Variants in RHEB observed in about 807,000 individuals in gnomAD.
RHEB encodes Ras homolog, mTORC1 binding, also known as GTP-binding protein Rheb.
In RHEB, 2 loss-of-function variants were observed where a neutral mutation model predicts 28.8. The ratio of observed to expected loss-of-function variants is 0.07; its 90% confidence interval spans 0.03 to 0.22. The LOEUF (loss-of-function observed/expected upper bound fraction) is 0.22. Ranked by LOEUF, RHEB falls within the 10% of genes least tolerant of loss-of-function variation. The pLI is 1.00. For synonymous variants in RHEB, 69 were observed against 77.3 expected, an observed-to-expected ratio of 0.89 and a Z score of 0.56; for missense variants, 76 against 219.9, an observed-to-expected ratio of 0.35 and a Z score of 4.14.
chr7:151,519,262 A>C, intron 1 of RHEB, 198 bp downstream of exon 1: 4 of 245,840 alleles, frequency 1.6e-5, no homozygotes, highest in Non-Finnish European at 2.9e-5. Flanking sequence ...GCGCCCAGCT[A>C]CCGCGGCTCC....
At chr7:151,476,429 T>C (rs948004318) in intron 4 of RHEB, among the ~76,000 whole-genome samples, 6 of 152,254 alleles carry the variant, frequency 3.9e-5, no homozygotes, top group African/African-American at 1.2e-4. Flanking sequence ...GTAAGTTCTA[T>C]TGGACAGTGT....
intron 1 of RHEB, among the ~76,000 whole-genome samples, chr7:151,514,874 C>T (rs1382351577): frequency 2.6e-5 from 4 of 151,386 alleles, no homozygotes. Context: ...CCCACCTCTA[C>T]AAAAAAATAA....
At position 151,513,841 on chromosome 7, in the gene RHEB, T is replaced by A. The variant is rs76548110; in HGVS notation, c.52+5619A>T. 8.9e-4 allele frequency among the ~76,000 whole-genome samples: 135 copies of A among 152,346 alleles called. 2 individuals carry two copies. In the East Asian group the frequency reaches 0.021, roughly 24 times the overall value. On this transcript the variant is annotated intron_variant, in intron 1 of 7. Transcript: ENST00000262187. ...AGCTGTTAAGACATTAAAAGATACC[T>A]GCAAAACCGTGAAACACCTTATCAA...
chr7:151,508,824 CTTGT>C, intron 1 of RHEB, among the ~76,000 whole-genome samples: 1 of 151,846 alleles, frequency 6.6e-6, no homozygotes, highest in Non-Finnish European at 1.5e-5. Flanking sequence ...GCTCTGTACC[CTTGT>C]TTAAGGGAAT....
In RHEB at chr7:151,466,298, C is replaced by T. The variant is rs1185587922; in HGVS notation, c.*821G>A. 6.6e-6 allele frequency: 1 copy of T among 152,250 alleles called. No individual in the cohort carries two copies. The highest frequency in any genetic ancestry group is 1.5e-5 in the Non-Finnish European group (1 of 68,070). The allele number at this position is 152,250 out of a possible 1,614,324, so 9.4% of individuals were successfully genotyped here. A position where few individuals can be genotyped will look rare whatever the true frequency, so the allele number is the denominator to read the frequency against. On this transcript the variant is annotated 3_prime_UTR_variant, in exon 8 of 8. Transcript: ENST00000262187. ...CAGGGTGTTCTAGGACAGTGACAGG[C>T]AAGGCTGTTCTCAATCATCTCCTGT... is the stretch of plus-strand genomic sequence containing the variant.
intron 1 of RHEB, among the ~76,000 whole-genome samples, chr7:151,518,611 C>T (rs1463705363): frequency 6.6e-6 from 1 of 152,172 alleles, no homozygotes; most frequent in Non-Finnish European, 1.5e-5. Flanking sequence ...AACACCCCGT[C>T]CGCCCCCCAA....
At chr7:151,487,622 T>G (rs933229144) in intron 2 of RHEB, among the ~76,000 whole-genome samples, 5 of 152,212 alleles carry the variant, frequency 3.3e-5, no homozygotes, top group African/African-American at 1.2e-4. Context: ...CCTTCCATCT[T>G]GCTGTCATAG....
chr7:151,473,565 C>T (rs1201685236), intron 4 of RHEB, among the ~76,000 whole-genome samples: 5 of 152,202 alleles, frequency 3.3e-5, no homozygotes, highest in Admixed American at 6.5e-5. Flanking sequence ...CTGGTTGATT[C>T]GGAAAGTTTT....
At position 151,509,270 on chromosome 7, in the gene RHEB, C is replaced by A. The variant is rs57210221; in HGVS notation, c.52+10190G>T. 5.3e-3 allele frequency among the ~76,000 whole-genome samples: 810 copies of A among 152,314 alleles called. 8 individuals carry two copies. The highest frequency in any genetic ancestry group is 0.018 in the African/African-American group (766 of 41,552). On this transcript the variant is annotated intron_variant, in intron 1 of 7. Transcript: ENST00000262187. Reference sequence around the variant, plus strand: ...ACCCAGGGCCAGCAAACCCTCAGAACCCTACTTGTAGGCACAGCCACCTGT... The same window carrying A: ...ACCCAGGGCCAGCAAACCCTCAGAAACCTACTTGTAGGCACAGCCACCTGT...
chr7:151,498,980 C>T (rs960001449), intron 1 of RHEB, among the ~76,000 whole-genome samples: 11 of 152,144 alleles, frequency 7.2e-5, no homozygotes, highest in Non-Finnish European at 1.3e-4. Context: ...CTATTAAGTG[C>T]GAGGCACAAT....
In RHEB at chr7:151,519,770, G is replaced by T. The variant is rs988496896; in HGVS notation, c.-259C>A. On this transcript the variant is annotated 5_prime_UTR_variant, in exon 1 of 8. Coordinates refer to ENST00000262187, the MANE Select transcript of RHEB (RefSeq NM_005614.4). ...GCCCCTCTTCGCGCCGTGGCCCGCCGCCTCCGCCCCCCGAAATACGCGGGG... is the reference window on the plus strand; with the variant it reads ...GCCCCTCTTCGCGCCGTGGCCCGCCTCCTCCGCCCCCCGAAATACGCGGGG... 4 of 328,418 alleles carry T rather than the reference G, an allele frequency of 1.2e-5. No individual in the cohort carries two copies. The highest frequency in any genetic ancestry group is 4.7e-5 in the East Asian group (1 of 21,256). 20.3% of individuals were successfully genotyped at this position (328,418 alleles called of 1,614,324 possible).
At chr7:151,478,431 C>A (rs190830477) in intron 3 of RHEB, among the ~76,000 whole-genome samples, 68 of 150,534 alleles carry the variant, frequency 4.5e-4, no homozygotes, top group African/African-American at 1.6e-3. Context: ...ATTATAAATT[C>A]TTTGATATAA....
intron 7 of RHEB, among the ~76,000 whole-genome samples, 165 bp from the exon 8 acceptor site, chr7:151,467,376 C>A (rs1262312751): frequency 2.0e-5 from 3 of 152,078 alleles, no homozygotes; most frequent in Admixed American, 2.0e-4. Context: ...CCCAGTAAGG[C>A]CACTGTCCAC....
intron 1 of RHEB, among the ~76,000 whole-genome samples, chr7:151,507,073 C>T (rs929620397): frequency 9.2e-5 from 14 of 152,136 alleles, no homozygotes; most frequent in Non-Finnish European, 1.0e-4. Context: ...GAGAGTGCCT[C>T]GTTGGGGACT....
chr7:151,490,511 G>A (rs575915230), intron 2 of RHEB, among the ~76,000 whole-genome samples: 4 of 152,270 alleles, frequency 2.6e-5, no homozygotes, highest in Non-Finnish European at 4.4e-5. Context: ...CTTTAGGGCT[G>A]GAAAGAAGGG....
At chr7:151,497,742 G>A (rs936388661) in intron 1 of RHEB, among the ~76,000 whole-genome samples, 3 of 152,142 alleles carry the variant, frequency 2.0e-5, no homozygotes, top group Admixed American at 6.5e-5. Context: ...CGTTTTCACC[G>A]GAGGAAGAGT....
intron 3 of RHEB, among the ~76,000 whole-genome samples, chr7:151,479,625 G>A (rs1372057395): frequency 6.7e-6 from 1 of 150,202 alleles, no homozygotes; most frequent in Admixed American, 6.7e-5. Context: ...GGAGCTTGCA[G>A]TGAGCCGAGA....
intron 3 of RHEB, among the ~76,000 whole-genome samples, chr7:151,480,689 ATTT>A (rs57126783): frequency 6.8e-5 from 10 of 147,864 alleles, no homozygotes; most frequent in African/African-American, 2.2e-4. Flanking sequence ...ATTAATTATT[ATTT>A]TTTTTTTTTG....
chr7:151,493,238 C>A (rs1802616663), intron 1 of RHEB, among the ~76,000 whole-genome samples: 1 of 152,118 alleles, frequency 6.6e-6, no homozygotes, highest in Admixed American at 6.5e-5. Flanking sequence ...GACAACCCAT[C>A]CTGAGGCTCC....
Sources: allele counts gnomAD v4.1 joint callset (sites outside exome capture counted in the v4.1 genomes callset), GRCh38; gene constraint gnomAD v4.1.1; transcripts MANE v1.5; gene names NCBI Gene and HGNC (gene_info 2026-07-23, HGNC 2026-07-21).